DIXDC1: variants seen among roughly 807,000 people sequenced by gnomAD.
DIXDC1 encodes the protein DIX domain containing 1, also known as dixin.
In DIXDC1, 64 loss-of-function variants were observed where a neutral mutation model predicts 103.1. That is an observed-to-expected ratio of 0.62 (90% CI 0.51 to 0.76). The LOEUF is 0.76. Ranked by LOEUF, DIXDC1 falls within the 30% of genes least tolerant of loss-of-function variation. The pLI, the probability that DIXDC1 is intolerant of heterozygous loss-of-function variation, is 0.00. For synonymous variants in DIXDC1, 266 were observed against 298.5 expected (o/e 0.89, Z 1.12); for missense variants, 759 against 834.2 (o/e 0.91, Z 1.11).
At chr11:111,996,572 C>A (rs781975936) in intron 17 of DIXDC1, among the ~76,000 whole-genome samples, 3 of 152,184 alleles carry the variant, frequency 2.0e-5, no homozygotes, top group Non-Finnish European at 4.4e-5. Flanking sequence ...GTGCTCAGGC[C>A]GGGCGCGGTG....
chr11:111,971,573 A>T (rs1319371233), intron 3 of DIXDC1, among the ~76,000 whole-genome samples: 1 of 152,236 alleles, frequency 6.6e-6, no homozygotes, highest in Non-Finnish European at 1.5e-5. Flanking sequence ...CAGCAATCCC[A>T]TTACTGGGTA....
intron 2 of DIXDC1, among the ~76,000 whole-genome samples, chr11:111,931,177 A>T (rs1966003307): frequency 6.6e-6 from 1 of 151,894 alleles, no homozygotes; most frequent in Non-Finnish European, 1.5e-5. Context: ...TCTACAAAAA[A>T]TTTAAAAATT....
chr11:111,982,270 C>T, intron 6 of DIXDC1, 69 bp from the exon 7 acceptor site: 3 of 1,547,932 alleles, frequency 1.9e-6, no homozygotes, highest in Non-Finnish European at 2.6e-6. Context: ...GAACGCTACC[C>T]TGTGAACGCT....
intron 17 of DIXDC1, among the ~76,000 whole-genome samples, chr11:112,013,563 AATGGT>A (rs1858491297): frequency 1.3e-5 from 2 of 152,132 alleles, no homozygotes; most frequent in Non-Finnish European, 2.9e-5. Flanking sequence ...TGTCTTAGGT[AATGGT>A]ATTACCATGT....
chr11:111,932,240 T>C (rs1470406290), intron 2 of DIXDC1, among the ~76,000 whole-genome samples: 1 of 151,156 alleles, frequency 6.6e-6, no homozygotes, highest in Non-Finnish European at 1.5e-5. Flanking sequence ...TTTCACCATG[T>C]TGGCCAGACT....
intron 1 of DIXDC1, among the ~76,000 whole-genome samples, chr11:111,947,505 T>G (rs1555169494): frequency 6.6e-6 from 1 of 152,240 alleles, no homozygotes; most frequent in Non-Finnish European, 1.5e-5. Context: ...AAGTGTCTAC[T>G]TTGTCCTTAA....
At position 112,018,944 on chromosome 11, in the gene DIXDC1, T is replaced by G; in HGVS notation, c.1972-12T>G. The G allele has an allele frequency of 6.2e-7, 1 of 1,612,402 alleles. No individual in the cohort carries two copies. Among genetic ancestry groups the G allele is most frequent in the Non-Finnish European group, 8.5e-7 (1 of 1,179,086 alleles). On this transcript the variant is annotated splice_polypyrimidine_tract_variant and intron_variant, in intron 19 of 19. Transcript: ENST00000440460. ...CTGTTTTTTCACTGTGGCTTTTTGT[T>G]TTTTTCTCTAGATTTTCCATGATGA...
intron 17 of DIXDC1, among the ~76,000 whole-genome samples, chr11:112,001,749 C>T (rs918750791): frequency 6.7e-6 from 1 of 150,226 alleles, no homozygotes; most frequent in Non-Finnish European, 1.5e-5. Context: ...AAGAATTCAG[C>T]TGAGATTTTT....
At chr11:112,010,606 A>G (rs1374700648) in intron 17 of DIXDC1, among the ~76,000 whole-genome samples, 1 of 152,374 alleles carries the variant, frequency 6.6e-6, no homozygotes, top group Non-Finnish European at 1.5e-5. Context: ...AAACAGATAT[A>G]TAGACCAATG....
Position 111,998,632 on chromosome 11 carries a change from C to T in DIXDC1, c.1756+2486C>T, listed in dbSNP as rs1395951364. 1.3e-5 allele frequency among the ~76,000 whole-genome samples: 2 copies of T among 152,162 alleles called. No individual in the cohort carries two copies. The highest frequency in any genetic ancestry group is 6.5e-5 in the Admixed American group (1 of 15,280). The stretch of plus-strand genomic sequence containing the variant: ...GATCTCGACTCACTGCAAGCTCTGC[C>T]TCCAGGGTTCAAGTGATTCTCCTGC... On this transcript the variant is annotated intron_variant, in intron 17 of 19. Transcript: ENST00000440460. This position sits in a 1 kb window ranked among gnomAD's most constrained non-coding sequence, Gnocchi z 4.1.
rs1313202109 is a variant in DIXDC1 at position 112,004,132 on chromosome 11, G to GTA, written c.1756+7998_1756+7999dup. ...TATATGTGTATATATATATGTGTGT[G>GTA]TATATATATATATCACATGTAACCT... On this transcript the variant is annotated intron_variant, in intron 17 of 19. Coordinates refer to ENST00000440460, the MANE Select transcript of DIXDC1 (RefSeq NM_001037954.4). 9.0e-4 allele frequency among the ~76,000 whole-genome samples: 134 copies of GTA among 149,148 alleles called. 2 individuals are homozygous for GTA. The highest frequency in any genetic ancestry group is 2.2e-3 in the African/African-American group (88 of 40,760).
chr11:111,929,826 G>C (rs1965956155), exon 2 of DIXDC1: 1 of 1,524,288 alleles, frequency 6.6e-7, no homozygotes, highest in South Asian at 1.2e-5. Context: ...AGATGGCCCT[G>C]ATTCGTCTCT....
intron 17 of DIXDC1, among the ~76,000 whole-genome samples, chr11:112,012,785 C>T (rs1338945664): frequency 6.6e-6 from 1 of 152,142 alleles, no homozygotes. Flanking sequence ...CCTCATTACT[C>T]TTATTTTGCT....
At chr11:111,969,317 T>C (rs138963118) in intron 3 of DIXDC1, among the ~76,000 whole-genome samples, 2 of 152,222 alleles carry the variant, frequency 1.3e-5, no homozygotes, top group African/African-American at 4.8e-5. Context: ...TTTTAGAATT[T>C]CTCATTTAAG....
chr11:111,937,129 G>GGGGT (rs1422868080), upstream of DIXDC1: 3,322 of 708,074 alleles, frequency 4.7e-3, 121 homozygotes, highest in Non-Finnish European at 5.2e-3. Context: ...CTGCGGCCCG[G>GGGGT]GCGGGGGGGG....
intron 18 of DIXDC1, 115 bp downstream of exon 18, chr11:112,016,911 C>G (rs1861607660): frequency 3.6e-6 from 3 of 832,784 alleles, no homozygotes; most frequent in Non-Finnish European, 1.9e-6. Context: ...ATAGTGAGAT[C>G]TCACTATAGT....
Position 111,958,190 on chromosome 11 carries a change from C to T in DIXDC1, c.61-6359C>T, listed in dbSNP as rs587751768. 2.2e-4 allele frequency among the ~76,000 whole-genome samples: 33 copies of T among 150,674 alleles called. No individual in the cohort carries two copies. The highest frequency in any genetic ancestry group is 6.3e-4 in the African/African-American group (26 of 41,008). On this transcript the variant is annotated intron_variant, in intron 1 of 19. Transcript: ENST00000440460. The surrounding 1 kb of genome is among the most constrained non-coding windows in gnomAD (Gnocchi z 4.2). ...GTGGGCCAGAAGCAGGTAGGAGTCCCGGCCTCCCGGGCACAGCTGCAGCCA... is the reference window on the plus strand; with the variant it reads ...GTGGGCCAGAAGCAGGTAGGAGTCCTGGCCTCCCGGGCACAGCTGCAGCCA...
Position 111,977,366 on chromosome 11 carries a change from C to T in DIXDC1, c.656+2383C>T, listed in dbSNP as rs1435571315. On this transcript the variant is annotated intron_variant, in intron 5 of 19. Transcript: ENST00000440460. This position sits in a 1 kb window ranked among gnomAD's most constrained non-coding sequence, Gnocchi z 6.1. ...TGGGGACTCGAGGCGCAGCCTGCGC[C>T]GCCGGGAGCCTCCCTCCCAGTGGGA... 4.7e-6 allele frequency: 5 copies of T among 1,069,470 alleles called. No individual in the cohort carries two copies. The highest frequency in any genetic ancestry group is 9.9e-5 in the East Asian group (1 of 10,140). The allele number at this position is 1,069,470 out of a possible 1,614,324, so 66.2% of individuals were successfully genotyped here.
At chr11:111,963,866 G>C (rs1349259100) in intron 1 of DIXDC1, among the ~76,000 whole-genome samples, 1 of 152,142 alleles carries the variant, frequency 6.6e-6, no homozygotes, top group Non-Finnish European at 1.5e-5. Flanking sequence ...CAGTAACATT[G>C]CTCACTATAG....
Sources: allele counts gnomAD v4.1 joint callset (sites outside exome capture counted in the v4.1 genomes callset), GRCh38; gene constraint gnomAD v4.1.1; non-coding constraint Gnocchi (gnomAD v3.1); transcripts MANE v1.5; gene names NCBI Gene and HGNC (gene_info 2026-07-23, HGNC 2026-07-21).